Variants in GADL1 observed in about 807,000 individuals in gnomAD.
GADL1 encodes the protein acidic amino acid decarboxylase GADL1.
Under a neutral mutation model 69.5 loss-of-function variants are expected in GADL1, and 71 were observed. That is an observed-to-expected ratio of 1.02 (90% CI 0.84 to 1.25). The LOEUF (loss-of-function observed/expected upper bound fraction) is 1.25, where lower values mean the gene tolerates loss of function less well. Ranked by LOEUF, GADL1 falls within the 50% of genes most tolerant of loss-of-function variation. The pLI, the probability that GADL1 is intolerant of heterozygous loss-of-function variation, is 0.00. For synonymous variants in GADL1, 254 were observed against 214.4 expected (o/e 1.18, Z -1.62); for missense variants, 737 against 631.8 (o/e 1.17, Z -1.79).
chr3:30,840,338 G>A (rs536068369), intron 8 of GADL1, among the ~76,000 whole-genome samples: 1 of 152,258 alleles, frequency 6.6e-6, no homozygotes, highest in African/African-American at 2.4e-5. Flanking sequence ...GATGCATACG[G>A]ATCAAAGTGG....
chr3:30,874,657 T>A (rs1698551715), intron 1 of GADL1, among the ~76,000 whole-genome samples: 1 of 151,974 alleles, frequency 6.6e-6, no homozygotes, highest in South Asian at 2.1e-4. Context: ...ATTCCACCAC[T>A]CGTAAGCATC....
intron 14 of GADL1, among the ~76,000 whole-genome samples, chr3:30,751,722 G>A (rs113243975): frequency 0.014 from 2,136 of 152,208 alleles, 71 homozygotes; most frequent in East Asian, 0.13. Flanking sequence ...GGAGATCTAT[G>A]CACTGAGAAA....
At chr3:30,776,106 T>A (rs1696530876) in intron 14 of GADL1, among the ~76,000 whole-genome samples, 1 of 152,148 alleles carries the variant, frequency 6.6e-6, no homozygotes, top group Admixed American at 6.6e-5. Context: ...TGCATTATAT[T>A]CTGTATTTGA....
intron 11 of GADL1, among the ~76,000 whole-genome samples, chr3:30,815,210 T>A (rs1467695537): frequency 6.6e-6 from 1 of 151,980 alleles, no homozygotes; most frequent in Non-Finnish European, 1.5e-5. Flanking sequence ...AGAAAAAAAA[T>A]TTACTCTGTG....
intron 1 of GADL1, among the ~76,000 whole-genome samples, chr3:30,883,952 G>T (rs1348466577): frequency 2.0e-5 from 3 of 151,982 alleles, no homozygotes; most frequent in African/African-American, 7.2e-5. Flanking sequence ...GAGATTAGCA[G>T]TGAGAGAGCT....
chr3:30,855,174 G>C (rs1698208168), intron 3 of GADL1, among the ~76,000 whole-genome samples: 1 of 152,000 alleles, frequency 6.6e-6, no homozygotes, highest in Non-Finnish European at 1.5e-5. Flanking sequence ...TCCAAAACAG[G>C]ATCATGCGCA....
rs529074575 is a variant in GADL1 at position 30,760,627 on chromosome 3, T to C, written c.1392+17552A>G. On this transcript the variant is annotated intron_variant, in intron 14 of 14. Transcript: ENST00000282538. ...CCATACCAGACTCCAAATTTAATAATTACTACGTATCTTAAGTGCTCTGAC... is the reference window on the plus strand; with the variant it reads ...CCATACCAGACTCCAAATTTAATAACTACTACGTATCTTAAGTGCTCTGAC... Among the ~76,000 whole-genome samples, 4 of 152,332 alleles carry C rather than the reference T, an allele frequency of 2.6e-5. No homozygotes were observed. In the South Asian group the frequency reaches 8.3e-4, roughly 32 times the overall value.
intron 11 of GADL1, among the ~76,000 whole-genome samples, chr3:30,814,812 A>C (rs187718367): frequency 6.6e-6 from 1 of 152,202 alleles, no homozygotes; most frequent in Admixed American, 6.5e-5. Flanking sequence ...AAAAATATAA[A>C]AATTAGCTGG....
At chr3:30,771,659 C>T (rs1160968446) in intron 14 of GADL1, among the ~76,000 whole-genome samples, 1 of 152,122 alleles carries the variant, frequency 6.6e-6, no homozygotes, top group Non-Finnish European at 1.5e-5. Context: ...AAAAAAGAAC[C>T]TCATCTTTGA....
At chr3:30,827,564 G>A (rs985953073) in intron 11 of GADL1, among the ~76,000 whole-genome samples, 1 of 151,830 alleles carries the variant, frequency 6.6e-6, no homozygotes, top group Non-Finnish European at 1.5e-5. Flanking sequence ...AATGGATTCT[G>A]AACACATGAG....
chr3:30,835,484 G>A (rs1483816699), intron 9 of GADL1, among the ~76,000 whole-genome samples: 1 of 151,948 alleles, frequency 6.6e-6, no homozygotes, highest in Non-Finnish European at 1.5e-5. Flanking sequence ...GGGCCCATTG[G>A]TAGCCAATAA....
intron 14 of GADL1, among the ~76,000 whole-genome samples, chr3:30,736,173 T>C (rs1307944388): frequency 6.6e-6 from 1 of 152,152 alleles, no homozygotes; most frequent in Admixed American, 6.6e-5. Flanking sequence ...ACCCATTTTA[T>C]ACATGTTTTC....
intron 14 of GADL1, among the ~76,000 whole-genome samples, chr3:30,775,664 C>T (rs1180978089): frequency 6.6e-6 from 1 of 151,622 alleles, no homozygotes; most frequent in Non-Finnish European, 1.5e-5. Context: ...AAAGCATTTC[C>T]AAAATTAAGG....
intron 14 of GADL1, among the ~76,000 whole-genome samples, chr3:30,742,320 C>A (rs1695637957): frequency 6.6e-6 from 1 of 151,556 alleles, no homozygotes; most frequent in East Asian, 1.9e-4. Flanking sequence ...AGTTTTCTTC[C>A]ATAGATATTA....
In GADL1 at chr3:30,726,724, T is replaced by C. The variant is rs1695372638; in HGVS notation, c.*1518A>G. On this transcript the variant is annotated 3_prime_UTR_variant, in exon 15 of 15. Coordinates refer to ENST00000282538, the MANE Select transcript of GADL1 (RefSeq NM_207359.3). ...TTAACACTCTTCAATCATTCACCTT[T>C]TAATGCAGACCTTTAATTATATTCA... 6.6e-6 allele frequency: 1 copy of C among 152,200 alleles called. No individual in the cohort carries two copies. The highest frequency in any genetic ancestry group is 2.4e-5 in the African/African-American group (1 of 41,444). The allele number at this position is 152,200 out of a possible 1,614,324, so 9.4% of individuals were successfully genotyped here.
intron 11 of GADL1, among the ~76,000 whole-genome samples, chr3:30,827,866 C>A (rs758463893): frequency 2.0e-5 from 3 of 151,884 alleles, no homozygotes; most frequent in Non-Finnish European, 4.4e-5. Context: ...TTTGGCAGCA[C>A]GAAGCACAAG....
intron 1 of GADL1, among the ~76,000 whole-genome samples, chr3:30,879,293 C>T (rs74326887): frequency 2.6e-4 from 39 of 151,988 alleles, no homozygotes; most frequent in African/African-American, 9.4e-4. Flanking sequence ...TTCCTTGGCT[C>T]CCCAGTAGAG....
intron 8 of GADL1, among the ~76,000 whole-genome samples, chr3:30,842,015 T>C (rs1559358237): frequency 6.6e-6 from 1 of 152,116 alleles, no homozygotes; most frequent in Admixed American, 6.5e-5. Flanking sequence ...AAATCTATAA[T>C]GTGGAAAGCT....
intron 12 of GADL1, 168 bp downstream of exon 12, chr3:30,800,721 T>C (rs1049067942): frequency 4.7e-6 from 3 of 632,918 alleles, no homozygotes; most frequent in Middle Eastern, 4.3e-4. Context: ...GTGTATTGGA[T>C]GAAATAATGC....
Sources: allele counts gnomAD v4.1 joint callset (sites outside exome capture counted in the v4.1 genomes callset), GRCh38; gene constraint gnomAD v4.1.1; transcripts MANE v1.5; gene names NCBI Gene and HGNC (gene_info 2026-07-23, HGNC 2026-07-21).